HAX1: variants seen among roughly 807,000 people sequenced by gnomAD.
HAX1 encodes the protein HCLS1-associated protein X-1.
HAX1 carries 27 observed loss-of-function variants against 31.1 expected under a neutral mutation model. The observed-to-expected ratio is 0.87, with a 90% CI of 0.64 to 1.20. The LOEUF (loss-of-function observed/expected upper bound fraction) is 1.20. HAX1 is among the 50% of genes most tolerant of loss of function. The pLI, the probability that HAX1 is intolerant of heterozygous loss-of-function variation, is 0.00. For missense variants in HAX1, 357 were observed against 361.6 expected, an observed-to-expected ratio of 0.99 and a Z score of 0.10; for synonymous variants, 114 against 124.1, an observed-to-expected ratio of 0.92 and a Z score of 0.54.
In HAX1 at chr1:154,275,853, A is replaced by G; in HGVS notation, c.*152A>G. On this transcript the variant is annotated 3_prime_UTR_variant, in exon 7 of 7. Transcript: ENST00000328703. ...AGTTTGTCACTCACCCAAACTGACCAATAAAACCTTTATTTATGCTAATTT... is the reference window on the plus strand; with the variant it reads ...AGTTTGTCACTCACCCAAACTGACCGATAAAACCTTTATTTATGCTAATTT... The G allele has an allele frequency of 1.5e-6, 1 of 678,970 alleles. No homozygotes were observed. The highest frequency in any genetic ancestry group is 1.6e-5 in the South Asian group (1 of 62,194). 42.1% of individuals were successfully genotyped at this position (678,970 alleles called of 1,614,324 possible).
intron 6 of HAX1, 47 bp from the exon 7 acceptor site, chr1:154,275,569 T>C: frequency 1.3e-6 from 2 of 1,577,322 alleles, no homozygotes; most frequent in Non-Finnish European, 1.7e-6. Flanking sequence ...TGCTTCTGCC[T>C]AGTCTCTTTC....
rs1684817581 is a variant in HAX1 at position 154,272,776 on chromosome 1, G to A, written c.53G>A (p.Ser18Asn). The change falls in exon 1 of 7, where the codon AGC becomes AAC. Residue 18 changes from serine (S) to asparagine (N), a missense_variant and splice_region_variant. Coordinates refer to ENST00000328703, the MANE Select transcript of HAX1 (RefSeq NM_006118.4). ...TTTTTCGGCTTTCCTGGACCTCGGA[G>A]GTGAGAGTAGGTCCGGCTCGGACAA... Reference protein sequence around the residue: ...RGFFGFPGPRSHRDPFFGGMT... With the variant: ...RGFFGFPGPRNHRDPFFGGMT... The A allele has an allele frequency of 1.9e-6, 3 of 1,613,962 alleles. No homozygotes were observed. The highest frequency in any genetic ancestry group is 2.5e-6 in the Non-Finnish European group (3 of 1,179,826).
At position 154,272,722 on chromosome 1, in the gene HAX1, G is replaced by T. The variant is rs1485778489; in HGVS notation, c.-2G>T. 1 of 1,614,196 alleles carries T rather than the reference G, an allele frequency of 6.2e-7. No homozygotes were observed. Among genetic ancestry groups the T allele is most frequent in the South Asian group, 1.1e-5 (1 of 91,058 alleles). ...TTCAAAGGTTCGCGTCCCAGTACGGGAATGAGCCTCTTTGATCTCTTCCGG... is the reference window on the plus strand; with the variant it reads ...TTCAAAGGTTCGCGTCCCAGTACGGTAATGAGCCTCTTTGATCTCTTCCGG... On this transcript the variant is annotated 5_prime_UTR_variant, in exon 1 of 7. Transcript: ENST00000328703.
intron 1 of HAX1, 85 bp downstream of exon 1, chr1:154,272,861 C>T: frequency 8.6e-7 from 1 of 1,164,572 alleles, no homozygotes; most frequent in East Asian, 2.4e-5. Flanking sequence ...AAAACATCCT[C>T]TGTCCCACTC....
Position 154,273,416 on chromosome 1 carries a change from G to A in HAX1, c.134G>A (p.Gly45Asp), listed in dbSNP as rs1478553377. ...EEEEEEGGSW[G>D]RGNPRFHSPQ... ...GAAGAAGAAGAAGGGGGCTCATGGG[G>A]CCGTGGGAACCCAAGGTTCCATAGT... is the stretch of plus-strand genomic sequence containing the variant. The change falls in exon 2 of 7, where the codon GGC (glycine) becomes GAC (aspartate). Residue 45 changes from glycine (G) to aspartate (D), a missense_variant. Physicochemically the swap from Gly to Asp is moderately conservative, Grantham distance 94. Transcript: ENST00000328703. The A allele has an allele frequency of 1.5e-5, 24 of 1,614,076 alleles. No homozygotes were observed. Among genetic ancestry groups the A allele is most frequent in the Non-Finnish European group, 2.0e-5 (24 of 1,179,940 alleles).
intron 6 of HAX1, 33 bp downstream of exon 6, chr1:154,275,516 A>T: frequency 6.3e-7 from 1 of 1,593,390 alleles, no homozygotes; most frequent in Non-Finnish European, 8.6e-7. Flanking sequence ...TCATCTCAAG[A>T]TTCCTTGGGG....
rs747372275 is a variant in HAX1 at position 154,275,409 on chromosome 1, G to A, written c.680G>A (p.Arg227Gln). 14 of 1,613,854 alleles carry A rather than the reference G, an allele frequency of 8.7e-6. No individual in the cohort carries two copies. Among genetic ancestry groups the A allele is most frequent in the African/African-American group, 1.3e-5 (1 of 74,868 alleles). Residue 227 changes from arginine to glutamine, a missense_variant, in exon 6 of 7, where the codon CGG becomes CAG. Coordinates refer to ENST00000328703, the MANE Select transcript of HAX1 (RefSeq NM_006118.4). ...TCTTTGTAGATAGTGGAGGAGCGCC[G>A]GACTGTGGTGGACAGTGAGGGCCGG... ...TKPDGIVEERRTVVDSEGRTE... is the reference protein window; with the variant it reads ...TKPDGIVEERQTVVDSEGRTE...
rs769582304 is a variant in HAX1 at position 154,275,721 on chromosome 1, C to A, written c.*20C>A. 7 of 1,511,170 alleles carry A rather than the reference C, an allele frequency of 4.6e-6. No homozygotes were observed. Among genetic ancestry groups the A allele is most frequent in the South Asian group, 2.2e-5 (2 of 88,942 alleles). 93.6% of individuals were successfully genotyped at this position (1,511,170 alleles called of 1,614,324 possible). A position where few individuals can be genotyped will look rare whatever the true frequency, so the allele number is the denominator to read the frequency against. On this transcript the variant is annotated 3_prime_UTR_variant, in exon 7 of 7. Transcript: ENST00000328703. ...CGGTAGCCTTGTTAACCCTCAGAGG[C>A]CTTCAAGTCCTTTCCACCTCTCACC...
chr1:154,273,880 T>C lies in HAX1; in HGVS notation c.423T>C (p.Phe141=), dbSNP rs200778148. 1.7e-5 allele frequency: 27 copies of C among 1,613,904 alleles called. No individual in the cohort carries two copies. The highest frequency in any genetic ancestry group is 1.5e-4 in the Admixed American group (9 of 59,978). ...CAGATAGTCACCAGCCCAGGATCTT[T>C]GGGGGGGTCTTGGAGAGTGATGCAA... is the stretch of plus-strand genomic sequence containing the variant. ...KYPDSHQPRI[F]GGVLESDARS... is the part of the protein sequence containing the mutation. The change falls in exon 3 of 7, where the codon TTT becomes TTC. Residue 141 remains phenylalanine (F), a synonymous_variant. Coordinates refer to ENST00000328703, the MANE Select transcript of HAX1 (RefSeq NM_006118.4).
rs368758310 is a variant in HAX1, at chr1:154,275,481, G to T, written c.752G>T (p.Gly251Val). The change falls in exon 6 of 7, where the codon GGT becomes GTT. Residue 251 changes from glycine (G) to valine (V), a missense_variant and splice_region_variant. Coordinates refer to ENST00000328703, the MANE Select transcript of HAX1 (RefSeq NM_006118.4). ...TRHEADSSPR[G>V]DPESPRPPAL... is the part of the protein sequence containing the mutation. Reference sequence around the variant, plus strand: ...CACGAAGCAGATAGCAGTCCTAGGGGTGGTAAGTTAAAAGACAAAGGGGTT... The same window carrying T: ...CACGAAGCAGATAGCAGTCCTAGGGTTGGTAAGTTAAAAGACAAAGGGGTT... The T allele has an allele frequency of 5.3e-5, 85 of 1,613,280 alleles. No individual in the cohort carries two copies. Among genetic ancestry groups the T allele is most frequent in the Non-Finnish European group, 6.4e-5 (76 of 1,179,294 alleles).
rs142104485 is a variant in HAX1 at position 154,273,987 on chromosome 1, T to A, written c.504+26T>A. ...GTGAGTATCCCATCTGGTCCTGAAG[T>A]GAGAGCTTGTGAGAGACCACTAATA... On this transcript the variant is annotated intron_variant, in intron 3 of 6. Coordinates refer to ENST00000328703, the MANE Select transcript of HAX1 (RefSeq NM_006118.4). 4.1e-3 allele frequency: 6,447 copies of A among 1,573,046 alleles called. 28 individuals carry two copies. Among genetic ancestry groups the A allele is most frequent in the Non-Finnish European group, 5.1e-3 (5,871 of 1,142,726 alleles).
At chr1:154,273,733 G>T (rs1477575311) in intron 2 of HAX1, 41 bp from the exon 3 acceptor site, 2 of 1,612,212 alleles carry the variant, frequency 1.2e-6, no homozygotes, top group Admixed American at 3.3e-5. Flanking sequence ...TAGAGCCCAA[G>T]TCCTTTCCCA....
Position 154,275,165 on chromosome 1 carries a change from CA to C in HAX1, c.569del (p.Gln190ArgfsTer24). The C allele has an allele frequency of 6.2e-7, 1 of 1,608,292 alleles. No individual in the cohort carries two copies. Among genetic ancestry groups the C allele is most frequent in the Non-Finnish European group, 8.5e-7 (1 of 1,174,686 alleles). On this transcript the variant is annotated frameshift_variant, in exon 5 of 7. Coordinates refer to ENST00000328703, the MANE Select transcript of HAX1 (RefSeq NM_006118.4). LOFTEE classifies it high-confidence loss of function. ...RTREDNDLDS[Q>X]VSQEGLGPVL... Reference sequence around the variant, plus strand: ...CTCTGCTCTTCCAGATCTTGATTCCCAGGTTTCCCAGGAGGGTCTTGGCCCG... The same window carrying C: ...CTCTGCTCTTCCAGATCTTGATTCCCGGTTTCCCAGGAGGGTCTTGGCCCG...
intron 3 of HAX1, 103 bp downstream of exon 3, chr1:154,274,064 T>C: frequency 9.3e-7 from 1 of 1,071,496 alleles, no homozygotes; most frequent in Non-Finnish European, 1.4e-6. Context: ...TCCCAGCACT[T>C]TGGGAGGCCG....
intron 3 of HAX1, among the ~76,000 whole-genome samples, chr1:154,274,746 G>A (rs573788714): frequency 5.9e-5 from 9 of 152,246 alleles, no homozygotes; most frequent in South Asian, 2.1e-4. Flanking sequence ...GTGCACAGAG[G>A]ATAGGAATAT....
chr1:154,275,263 G>T lies in HAX1; in HGVS notation c.663+3G>T. The T allele has an allele frequency of 6.2e-7, 1 of 1,601,148 alleles. No homozygotes were observed. The highest frequency in any genetic ancestry group is 1.1e-5 in the South Asian group (1 of 90,820). ...CCAAGATCACTAAACCAGATGGGGT[G>T]AGTTGAAAGAAAGAGGTAAAGGAAA... On this transcript the variant is annotated splice_donor_region_variant and intron_variant, in intron 5 of 6. Transcript: ENST00000328703.
rs1265169864 is a variant in HAX1 at position 154,273,804 on chromosome 1, G to T, written c.347G>T (p.Gly116Val). Residue 116 changes from glycine (G) to valine (V), a missense_variant, in exon 3 of 7, where the codon GGT becomes GTT. Transcript: ENST00000328703. Reference sequence around the variant, plus strand: ...CCAGGTCCTGAGTCAGAGACACCTGGTGAGAGACTACGGGAGGGACAGACA... The same window carrying T: ...CCAGGTCCTGAGTCAGAGACACCTGTTGAGAGACTACGGGAGGGACAGACA... ...ELPGPESETPGERLREGQTLR... is the reference protein window; with the variant it reads ...ELPGPESETPVERLREGQTLR... 6.2e-7 allele frequency: 1 copy of T among 1,614,150 alleles called. No homozygotes were observed. Among genetic ancestry groups the T allele is most frequent in the Admixed American group, 1.7e-5 (1 of 60,014 alleles).
Position 154,275,702 on chromosome 1 carries a change from C to G in HAX1, c.*1C>G, listed in dbSNP as rs747961567. On this transcript the variant is annotated 3_prime_UTR_variant, in exon 7 of 7. Transcript: ENST00000328703. ...GGGACGTTGGTTCCGGTCCCGGTAGCCTTGTTAACCCTCAGAGGCCTTCAA... is the reference window on the plus strand; with the variant it reads ...GGGACGTTGGTTCCGGTCCCGGTAGGCTTGTTAACCCTCAGAGGCCTTCAA... The G allele has an allele frequency of 2.3e-5, 37 of 1,606,510 alleles. 1 individual carries two copies. In the South Asian group the frequency reaches 3.6e-4, roughly 16 times the overall value.
rs186146689 is a variant in HAX1, at chr1:154,273,295, T to C, written c.54-41T>C. On this transcript the variant is annotated intron_variant, in intron 1 of 6. Coordinates refer to ENST00000328703, the MANE Select transcript of HAX1 (RefSeq NM_006118.4). ...CCATGAGTTGATTTAATGGCTTAAA[T>C]AGTGCTGAAATATTGGTGGCCAATC... 1.9e-3 allele frequency: 3,041 copies of C among 1,612,636 alleles called. 4 individuals carry two copies. Among genetic ancestry groups the C allele is most frequent in the Non-Finnish European group, 1.8e-3 (2,160 of 1,179,870 alleles).
Sources: gnomAD v4.1 joint callset for allele counts (sites outside exome capture counted in the v4.1 genomes callset) on GRCh38, gnomAD v4.1.1 for gene constraint, MANE v1.5 for transcripts, NCBI Gene and HGNC (gene_info 2026-07-23, HGNC 2026-07-21) for gene names.